The following ARHGEF15 variants were observed in gnomAD, a reference collection of about 807,000 sequenced individuals.
ARHGEF15 encodes the protein Rho guanine nucleotide exchange factor 15, also known as Rho guanine nucleotide exchange factor (GEF) 15.
Under a neutral mutation model 79.7 loss-of-function variants are expected in ARHGEF15, and 58 were observed. The ratio of observed to expected loss-of-function variants is 0.73; its 90% CI spans 0.59 to 0.91. The LOEUF (loss-of-function observed/expected upper bound fraction) is 0.91, where lower values mean the gene tolerates loss of function less well. Among genes scored for constraint, ARHGEF15 ranks in the 40% least tolerant of loss-of-function variants. The pLI, the probability that ARHGEF15 is intolerant of heterozygous loss-of-function variation, is 0.00. For synonymous variants in ARHGEF15, 442 were observed against 456.0 expected, an observed-to-expected ratio of 0.97 and a Z score of 0.39; for missense variants, 1,012 against 1,108.1, an observed-to-expected ratio of 0.91 and a Z score of 1.23.
At position 8,313,194 on chromosome 17, in the gene ARHGEF15, A is replaced by G. The variant is rs762256144; in HGVS notation, c.874A>G (p.Ile292Val). 3 of 1,608,568 alleles carry G rather than the reference A, an allele frequency of 1.9e-6. No individual in the cohort carries two copies. Among genetic ancestry groups the G allele is most frequent in the Non-Finnish European group, 2.5e-6 (3 of 1,179,892 alleles). The change falls in exon 3 of 16, where the codon ATT becomes GTT. Residue 292 changes from isoleucine (I) to valine (V), a missense_variant. By Grantham distance (29) the Ile-to-Val change is conservative. Transcript: ENST00000361926. ...AACTCGTGTCAGGCAGGATGCCACC[A>G]TTTTCGGGGACCCCCCACAGCCAGA... The part of the protein sequence containing the change: ...KPTRVRQDAT[I>V]FGDPPQPDLD...
intron 14 of ARHGEF15, 46 bp downstream of exon 14, chr17:8,319,440 A>C (rs779549715): frequency 1.0e-5 from 16 of 1,599,630 alleles, no homozygotes; most frequent in Middle Eastern, 1.7e-4. Context: ...AGCGAGTCTT[A>C]GAGGAATATG....
At position 8,318,881 on chromosome 17, in the gene ARHGEF15, C is replaced by T. The variant is rs142705439; in HGVS notation, c.2004C>T (p.Ser668=). The T allele has an allele frequency of 2.3e-4, 374 of 1,612,774 alleles. 1 individual carries two copies. The African/African-American group carries it at 2.7e-3, about 12-fold the overall frequency. Residue 668 remains serine, a synonymous_variant, in exon 12 of 16, where the codon AGC becomes AGT. Coordinates refer to ENST00000361926, the MANE Select transcript of ARHGEF15 (RefSeq NM_173728.4). The surrounding 1 kb of genome is among the most constrained non-coding windows in gnomAD (Gnocchi z 5.0). ...CCCCTCTTTGCCTGCTGCTCTTTAG[C>T]GACCTGCTGCTCATCACTCAGCCTA... ...RFTPLCLLLF[S]DLLLITQPKS...
rs1362528188 is a variant in ARHGEF15 at position 8,313,120 on chromosome 17, G to A, written c.800G>A (p.Arg267His). 5 of 1,576,160 alleles carry A rather than the reference G, an allele frequency of 3.2e-6. No individual in the cohort carries two copies. Among genetic ancestry groups the A allele is most frequent in the South Asian group, 1.1e-5 (1 of 90,198 alleles). ...CCTGCCGTTGTCCTCACATCCTACC[G>A]CTCCACTGCTGAGCGCAAACTCCTG... is the stretch of plus-strand genomic sequence containing the variant. ...GHPAVVLTSY[R>H]STAERKLLPL... Residue 267 changes from arginine (R) to histidine (H), a missense_variant, in exon 3 of 16, where the codon CGC (arginine) becomes CAC (histidine). Arg to His is a conservative substitution (Grantham distance 29, BLOSUM62 0). Coordinates refer to ENST00000361926, the MANE Select transcript of ARHGEF15 (RefSeq NM_173728.4).
Position 8,318,859 on chromosome 17 carries a change from C to G in ARHGEF15, c.1982C>G (p.Pro661Arg), listed in dbSNP as rs1336704004. The G allele has an allele frequency of 6.2e-7, 1 of 1,613,438 alleles. No individual in the cohort carries two copies. Among genetic ancestry groups the G allele is most frequent in the African/African-American group, 1.3e-5 (1 of 75,046 alleles). The change falls in exon 12 of 16, where the codon CCT (proline) becomes CGT (arginine). Residue 661 changes from proline to arginine, a missense_variant. This residue lies in a region of ARHGEF15 where 818 missense variants were observed against 882.5 expected (regional missense o/e 0.93). Coordinates refer to ENST00000361926, the MANE Select transcript of ARHGEF15 (RefSeq NM_173728.4). This position sits in a 1 kb window ranked among gnomAD's most constrained non-coding sequence, Gnocchi z 5.0. ...TTTGCCTCGCGCCCCCGCTTCACCC[C>G]TCTTTGCCTGCTGCTCTTTAGCGAC... ...VLFASRPRFT[P>R]LCLLLFSDLL...
intron 2 of ARHGEF15, 104 bp from the exon 3 acceptor site, chr17:8,312,818 A>C: frequency 5.1e-6 from 8 of 1,555,270 alleles, no homozygotes; most frequent in South Asian, 1.1e-5. Flanking sequence ...AGATGCCTGG[A>C]CCTTGATATT....
rs766931220 is a variant in ARHGEF15 at position 8,319,158 on chromosome 17, C to T, written c.2185C>T (p.Leu729=). The T allele has an allele frequency of 6.8e-6, 11 of 1,613,352 alleles. No individual in the cohort carries two copies. The highest frequency in any genetic ancestry group is 4.0e-5 in the African/African-American group (3 of 74,916). ...PTHRLLQASS[L]SDMQRWLGAF... Reference sequence around the variant, plus strand: ...CCACCGACTACTCCAAGCTTCTTCCCTGTGAGTTGTGTTTCCCTCAGAAAA... The same window carrying T: ...CCACCGACTACTCCAAGCTTCTTCCTTGTGAGTTGTGTTTCCCTCAGAAAA... Residue 729 remains leucine (L), a splice_region_variant and synonymous_variant, in exon 13 of 16, where the codon CTA becomes TTA. Coordinates refer to ENST00000361926, the MANE Select transcript of ARHGEF15 (RefSeq NM_173728.4).
At chr17:8,320,647 G>A (rs1459004621) in intron 15 of ARHGEF15, among the ~76,000 whole-genome samples, 195 bp from the exon 16 acceptor site, 3 of 152,146 alleles carry the variant, frequency 2.0e-5, no homozygotes, top group East Asian at 1.9e-4. Context: ...AGGGCTTGAC[G>A]GAAGAGCAGC....
At position 8,319,309 on chromosome 17, in the gene ARHGEF15, C is replaced by A; in HGVS notation, c.2187-3C>A. 1 of 1,613,614 alleles carries A rather than the reference C, an allele frequency of 6.2e-7. No homozygotes were observed. The highest frequency in any genetic ancestry group is 1.3e-5 in the African/African-American group (1 of 75,030). ...CTGTGACACTTCCCAATATCCCCAC[C>A]AGATCAGACATGCAGCGCTGGCTGG... On this transcript the variant is annotated splice_region_variant and splice_polypyrimidine_tract_variant and intron_variant, in intron 13 of 15. Transcript: ENST00000361926.
intron 9 of ARHGEF15, among the ~76,000 whole-genome samples, chr17:8,317,787 G>C (rs1267568326): frequency 6.6e-6 from 1 of 152,080 alleles, no homozygotes; most frequent in East Asian, 1.9e-4. Flanking sequence ...AACCTTCGGG[G>C]CAGGCACGGT....
chr17:8,315,397 C>T lies in ARHGEF15; in HGVS notation c.1261-17C>T. On this transcript the variant is annotated splice_polypyrimidine_tract_variant and intron_variant, in intron 6 of 15. Coordinates refer to ENST00000361926, the MANE Select transcript of ARHGEF15 (RefSeq NM_173728.4). This position sits in a 1 kb window ranked among gnomAD's most constrained non-coding sequence, Gnocchi z 4.3. ...CGGTGAACTGGGCTTCCCACGACTG[C>T]CTGCTTTTCTTTCTAGAGTCTTTTC... 1 of 1,613,822 alleles carries T rather than the reference C, an allele frequency of 6.2e-7. No individual in the cohort carries two copies. The highest frequency in any genetic ancestry group is 8.5e-7 in the Non-Finnish European group (1 of 1,179,880).
At chr17:8,312,730 C>CA (rs750161380) in intron 2 of ARHGEF15, 90 bp downstream of exon 2, 1 of 1,601,980 alleles carries the variant, frequency 6.2e-7, no homozygotes. Flanking sequence ...GCTACCTTTT[C>CA]AAAAATGGAG....
In ARHGEF15 at chr17:8,316,135, G is replaced by T. The variant is rs781525322; in HGVS notation, c.1691G>T (p.Arg564Leu). 2.5e-6 allele frequency: 4 copies of T among 1,601,668 alleles called. No individual in the cohort carries two copies. Among genetic ancestry groups the T allele is most frequent in the African/African-American group, 1.3e-5 (1 of 74,838 alleles). Residue 564 changes from arginine to leucine, a missense_variant, in exon 9 of 16, where the codon CGC becomes CTC. Arg to Leu is a moderately radical substitution (Grantham distance 102). Around this residue, in one of 3 missense-constraint regions of ARHGEF15, gnomAD observed 818 missense variants for 882.5 expected, o/e 0.93. Transcript: ENST00000361926. Reference sequence around the variant, plus strand: ...CCCTTCCAGCGCATCACCCGGCTGCGCATGCTGCTGCAGGTACCTGTCCCA... The same window carrying T: ...CCCTTCCAGCGCATCACCCGGCTGCTCATGCTGCTGCAGGTACCTGTCCCA... ...LLPFQRITRL[R>L]MLLQNILRQT...
At position 8,319,297 on chromosome 17, in the gene ARHGEF15, C is replaced by G; in HGVS notation, c.2187-15C>G. On this transcript the variant is annotated splice_polypyrimidine_tract_variant and intron_variant, in intron 13 of 15. Coordinates refer to ENST00000361926, the MANE Select transcript of ARHGEF15 (RefSeq NM_173728.4). The stretch of plus-strand genomic sequence containing the variant: ...CTTTTGGGCCAACTGTGACACTTCC[C>G]AATATCCCCACCAGATCAGACATGC... 1 of 1,612,964 alleles carries G rather than the reference C, an allele frequency of 6.2e-7. No homozygotes were observed. Among genetic ancestry groups the G allele is most frequent in the South Asian group, 1.1e-5 (1 of 90,842 alleles).
At chr17:8,313,381 C>A in intron 3 of ARHGEF15, 120 bp from the exon 4 acceptor site, 2 of 1,484,984 alleles carry the variant, frequency 1.3e-6, no homozygotes, top group Non-Finnish European at 9.2e-7. Flanking sequence ...CCAGCTGCTG[C>A]TCTGGTGCTG....
At chr17:8,319,207 C>T (rs756982698) in intron 13 of ARHGEF15, 48 bp downstream of exon 13, 2 of 1,607,240 alleles carry the variant, frequency 1.2e-6, no homozygotes, top group Non-Finnish European at 1.7e-6. Flanking sequence ...CTTATCTGAC[C>T]TCTCAGACCT....
chr17:8,318,576 G>C lies in ARHGEF15; in HGVS notation c.1786G>C (p.Glu596Gln), dbSNP rs746554509. ...KALGAVSKIIERCSAEVGRMK... is the reference protein window; with the variant it reads ...KALGAVSKIIQRCSAEVGRMK... The stretch of plus-strand genomic sequence containing the variant: ...CACAGCTCCCCTTACCTAGATCATC[G>C]AGCGTTGCAGCGCTGAGGTGGGGCG... The change falls in exon 11 of 16, where the codon GAG (glutamate) becomes CAG (glutamine). Residue 596 changes from glutamate (E) to glutamine (Q), a missense_variant. By Grantham distance (29) the Glu-to-Gln change is conservative. Around this residue, in one of 3 missense-constraint regions of ARHGEF15, gnomAD observed 818 missense variants for 882.5 expected, o/e 0.93. Coordinates refer to ENST00000361926, the MANE Select transcript of ARHGEF15 (RefSeq NM_173728.4). This position sits in a 1 kb window ranked among gnomAD's most constrained non-coding sequence, Gnocchi z 5.0. The C allele has an allele frequency of 1.2e-6, 2 of 1,613,404 alleles. No individual in the cohort carries two copies.
chr17:8,312,069 A>AC lies in ARHGEF15; in HGVS notation c.36dup (p.Thr13HisfsTer40), dbSNP rs1338358886. 4 of 1,348,746 alleles carry AC rather than the reference A, an allele frequency of 3.0e-6. No individual in the cohort carries two copies. The highest frequency in any genetic ancestry group is 2.1e-5 in the Admixed American group (1 of 47,966). 83.5% of individuals were successfully genotyped at this position (1,348,746 alleles called of 1,614,324 possible). On this transcript the variant is annotated frameshift_variant, in exon 2 of 16. Coordinates refer to ENST00000361926, the MANE Select transcript of ARHGEF15 (RefSeq NM_173728.4). LOFTEE classifies it high-confidence loss of function. ...CAGCCCAGTCCCTTCCTGCAGCAAC[A>AC]CCCCCCACGCAGAAGCCCCCTCGGA...
intron 1 of ARHGEF15, among the ~76,000 whole-genome samples, chr17:8,311,247 G>T (rs574642108): frequency 9.2e-5 from 14 of 151,968 alleles, no homozygotes; most frequent in Non-Finnish European, 1.9e-4. Flanking sequence ...AACCCAGGCC[G>T]CAGCGCCCTG....
At chr17:8,319,246 T>G in intron 13 of ARHGEF15, 66 bp from the exon 14 acceptor site, 1 of 1,605,336 alleles carries the variant, frequency 6.2e-7, no homozygotes, top group Non-Finnish European at 8.5e-7. Context: ...CTCTCTTCTG[T>G]GGCTCCTGCC....
Sources: gnomAD v4.1 joint callset for allele counts (sites outside exome capture counted in the v4.1 genomes callset) on GRCh38, gnomAD v4.1.1 for gene constraint, gnomAD v4.1.1 regional missense constraint, Gnocchi (gnomAD v3.1) non-coding constraint, MANE v1.5 for transcripts, NCBI Gene and HGNC (gene_info 2026-07-23, HGNC 2026-07-21) for gene names.